FMN1: variants seen among roughly 807,000 people sequenced by gnomAD.
The protein encoded by FMN1 is formin-1.
FMN1 carries 110 observed loss-of-function variants against 132.4 expected under a neutral mutation model. The observed-to-expected ratio is 0.83, with a 90% CI of 0.71 to 0.97. The LOEUF is 0.97. FMN1 is among the 50% of genes least tolerant of loss of function. The pLI is 0.00. For synonymous variants in FMN1, 722 were observed against 651.7 expected (o/e 1.11, Z -1.64); for missense variants, 1,792 against 1,705.3 (o/e 1.05, Z -0.90).
At position 32,867,614 on chromosome 15, in the gene FMN1, C is replaced by T. The variant is rs187757283; in HGVS notation, c.3836-10507G>A. ...CTCCGCCTCATGGGTTCACGCCATT[C>T]TCCTGCCTCAGCCCCCTGCCCCCCG... is the stretch of plus-strand genomic sequence containing the variant. On this transcript the variant is annotated intron_variant, in intron 16 of 20. Transcript: ENST00000616417. 5.1e-4 allele frequency among the ~76,000 whole-genome samples: 77 copies of T among 152,174 alleles called. No individual in the cohort carries two copies. The East Asian group carries it at 0.014, about 28-fold the overall frequency.
chr15:32,975,907 T>A (rs1270203721), intron 7 of FMN1, among the ~76,000 whole-genome samples: 1 of 152,108 alleles, frequency 6.6e-6, no homozygotes, highest in Non-Finnish European at 1.5e-5. Context: ...CCATTACCAC[T>A]GCTCAGAGAT....
intron 16 of FMN1, among the ~76,000 whole-genome samples, chr15:32,883,496 C>T (rs941601202): frequency 1.4e-4 from 9 of 63,812 alleles, no homozygotes; most frequent in African/African-American, 5.2e-4. Context: ...GGCAATAGAG[C>T]AAGAACCTAT....
At chr15:32,901,875 A>G in intron 13 of FMN1, 36 bp downstream of exon 13, 3 of 1,575,042 alleles carry the variant, frequency 1.9e-6, no homozygotes, top group Non-Finnish European at 2.6e-6. Context: ...TACTCTTCAG[A>G]GCAAGGCTAT....
At chr15:32,863,005 T>C in intron 16 of FMN1, among the ~76,000 whole-genome samples, 1 of 152,172 alleles carries the variant, frequency 6.6e-6, no homozygotes, top group East Asian at 1.9e-4. Context: ...AGAAAATGGC[T>C]GCAGCAACAT....
intron 4 of FMN1, among the ~76,000 whole-genome samples, chr15:33,129,196 C>T (rs1963428962): frequency 6.6e-6 from 1 of 152,194 alleles, no homozygotes. Flanking sequence ...AGTAATACCA[C>T]AATGCAGTTA....
intron 19 of FMN1, among the ~76,000 whole-genome samples, chr15:32,791,033 A>G (rs2057058221): frequency 6.6e-6 from 1 of 152,200 alleles, no homozygotes; most frequent in South Asian, 2.1e-4. Context: ...CTCTATTTTG[A>G]TCAGCAGGAA....
chr15:32,775,016 A>G (rs986886134), intron 20 of FMN1, among the ~76,000 whole-genome samples: 34 of 152,198 alleles, frequency 2.2e-4, no homozygotes, highest in African/African-American at 7.5e-4. Flanking sequence ...GGAAGCACAC[A>G]TATCAGTATG....
intron 6 of FMN1, among the ~76,000 whole-genome samples, chr15:33,010,023 A>G (rs2034623887): frequency 6.6e-6 from 1 of 152,176 alleles, no homozygotes; most frequent in Non-Finnish European, 1.5e-5. Flanking sequence ...AGTAGCTGGG[A>G]TTACAGCCCA....
At chr15:32,970,171 T>C (rs2031659618) in intron 7 of FMN1, among the ~76,000 whole-genome samples, 1 of 152,216 alleles carries the variant, frequency 6.6e-6, no homozygotes, top group Non-Finnish European at 1.5e-5. Flanking sequence ...GCCTTTTTAA[T>C]GCTTATTGCC....
At chr15:32,971,138 A>G (rs1285083424) in intron 7 of FMN1, among the ~76,000 whole-genome samples, 7 of 152,236 alleles carry the variant, frequency 4.6e-5, no homozygotes, top group Admixed American at 4.6e-4. Context: ...TATAAATAAT[A>G]GCCATCTCTA....
intron 6 of FMN1, among the ~76,000 whole-genome samples, chr15:33,058,897 G>A (rs944672697): frequency 2.6e-5 from 4 of 152,022 alleles, no homozygotes; most frequent in Non-Finnish European, 5.9e-5. Flanking sequence ...CATTTGTTAT[G>A]GTGAGACATT....
intron 15 of FMN1, among the ~76,000 whole-genome samples, chr15:32,897,699 T>G (rs529258850): frequency 6.6e-6 from 1 of 152,070 alleles, no homozygotes; most frequent in Non-Finnish European, 1.5e-5. Flanking sequence ...AGCAATAGGA[T>G]CAGAGCTGTG....
At chr15:32,964,384 G>T (rs1347012881) in intron 8 of FMN1, 127 bp from the exon 9 acceptor site, 1 of 688,510 alleles carries the variant, frequency 1.5e-6, no homozygotes, top group Non-Finnish European at 2.4e-6. Flanking sequence ...CTCTAATAAT[G>T]CTTGGAGAAA....
intron 9 of FMN1, among the ~76,000 whole-genome samples, chr15:32,951,424 G>GACACACACACACACAC (rs3081377): frequency 6.7e-6 from 1 of 148,966 alleles, no homozygotes; most frequent in African/African-American, 2.4e-5. Flanking sequence ...GCCCCAGTGG[G>GACACACACACACACAC]ACACACACAC....
At chr15:33,085,848 T>G (rs189760270) in intron 5 of FMN1, among the ~76,000 whole-genome samples, 45 of 152,252 alleles carry the variant, frequency 3.0e-4, no homozygotes, top group South Asian at 1.0e-3. Context: ...AACAGAGAAA[T>G]AATTAAATAA....
chr15:32,903,557 G>A (rs930958203), intron 12 of FMN1, among the ~76,000 whole-genome samples: 5 of 152,136 alleles, frequency 3.3e-5, no homozygotes, highest in African/African-American at 7.2e-5. Context: ...CCCATGAGGC[G>A]TCATTCAGGA....
At chr15:33,027,460 G>C (rs969384175) in intron 6 of FMN1, among the ~76,000 whole-genome samples, 1 of 152,158 alleles carries the variant, frequency 6.6e-6, no homozygotes, top group African/African-American at 2.4e-5. Context: ...AGAACTGTAT[G>C]CAATGGGCCA....
intron 4 of FMN1, among the ~76,000 whole-genome samples, chr15:33,093,316 G>C (rs926673423): frequency 6.4e-4 from 97 of 152,304 alleles, no homozygotes; most frequent in African/African-American, 2.2e-3. Flanking sequence ...GTGAATATCA[G>C]AACTGATATG....
intron 7 of FMN1, among the ~76,000 whole-genome samples, chr15:32,981,517 C>CT: frequency 8.1e-6 from 1 of 123,082 alleles, no homozygotes; most frequent in South Asian, 2.4e-4. Context: ...GACTCCATCT[C>CT]AAATAATAAT....
Sources: gnomAD v4.1 joint callset for allele counts (sites outside exome capture counted in the v4.1 genomes callset) on GRCh38, gnomAD v4.1.1 for gene constraint, MANE v1.5 for transcripts, NCBI Gene and HGNC (gene_info 2026-07-23, HGNC 2026-07-21) for gene names.